NAV2: variants seen among roughly 807,000 people sequenced by gnomAD.
NAV2 encodes helicase, APC down-regulated 1.
In NAV2, 54 loss-of-function variants were observed where a neutral mutation model predicts 223.2. That is an observed-to-expected ratio of 0.24 (90% CI 0.19 to 0.30). The LOEUF (loss-of-function observed/expected upper bound fraction) is 0.30. NAV2 is among the 10% of genes least tolerant of loss of function. The pLI is 1.00. For missense variants in NAV2, 2,806 were observed against 3,147.5 expected (o/e 0.89, Z 2.60); for synonymous variants, 1,279 against 1,239.3 (o/e 1.03, Z -0.67).
At chr11:19,467,676 G>A (rs544438927) in intron 1 of NAV2, among the ~76,000 whole-genome samples, 3 of 152,182 alleles carry the variant, frequency 2.0e-5, no homozygotes, top group African/African-American at 7.2e-5. Context: ...GATCTGGGGC[G>A]AATCAGAATG....
intron 22 of NAV2, among the ~76,000 whole-genome samples, chr11:20,068,621 G>A (rs1017199125): frequency 3.9e-5 from 6 of 152,196 alleles, no homozygotes; most frequent in African/African-American, 1.2e-4. Flanking sequence ...TCTGTGTAAC[G>A]AGGGTGATAG....
chr11:20,080,310 G>T, intron 25 of NAV2, 101 bp downstream of exon 25: 1 of 1,136,432 alleles, frequency 8.8e-7, no homozygotes. Flanking sequence ...TACTATCTGT[G>T]GAACATAGCA....
intron 22 of NAV2, among the ~76,000 whole-genome samples, chr11:20,074,201 A>G (rs371535081): frequency 5.3e-5 from 8 of 152,198 alleles, no homozygotes; most frequent in East Asian, 3.8e-4. Flanking sequence ...CCCAGTAGTC[A>G]TTCAGGAGCA....
intron 34 of NAV2, chr11:20,104,875 G>A (rs2061910182): frequency 6.6e-6 from 1 of 152,222 alleles, no homozygotes; most frequent in East Asian, 1.9e-4. Flanking sequence ...ACCTCTGGTA[G>A]TTTCCCCAAA....
chr11:19,769,732 C>T (rs1482579319), intron 1 of NAV2, among the ~76,000 whole-genome samples: 2 of 151,744 alleles, frequency 1.3e-5, no homozygotes, highest in African/African-American at 4.9e-5. Context: ...GGAAAGGTTT[C>T]CCAAGCCTCC....
At chr11:19,868,579 T>C (rs540027648) in intron 3 of NAV2, among the ~76,000 whole-genome samples, 2 of 152,262 alleles carry the variant, frequency 1.3e-5, no homozygotes, top group Admixed American at 1.3e-4. Flanking sequence ...CAGCTGCTGG[T>C]AGATGGGTGT....
At chr11:19,811,103 G>A (rs1305296649) in intron 1 of NAV2, among the ~76,000 whole-genome samples, 6 of 152,298 alleles carry the variant, frequency 3.9e-5, no homozygotes, top group East Asian at 3.9e-4. Context: ...GTGATTTATC[G>A]AACTCTTCCT....
chr11:19,461,018 G>T (rs1304719634), intron 1 of NAV2, among the ~76,000 whole-genome samples: 4 of 152,166 alleles, frequency 2.6e-5, no homozygotes, highest in African/African-American at 7.2e-5. Flanking sequence ...TCCAGGAGGG[G>T]ACTATTAGCA....
chr11:19,833,476 T>A (rs1295598821), intron 2 of NAV2, among the ~76,000 whole-genome samples: 1 of 152,264 alleles, frequency 6.6e-6, no homozygotes, highest in Non-Finnish European at 1.5e-5. Flanking sequence ...GTTGGACTAC[T>A]GCTGCCATTC....
chr11:20,010,061 C>G (rs1182594084), intron 11 of NAV2, among the ~76,000 whole-genome samples: 1 of 152,130 alleles, frequency 6.6e-6, no homozygotes, highest in Non-Finnish European at 1.5e-5. Flanking sequence ...TCCTCATTAC[C>G]CAAGCCACAT....
At position 20,082,996 on chromosome 11, in the gene NAV2, T is replaced by C; in HGVS notation, c.5326-11T>C. On this transcript the variant is annotated splice_polypyrimidine_tract_variant and intron_variant, in intron 25 of 37. Coordinates refer to ENST00000349880, the MANE Select transcript of NAV2 (RefSeq NM_145117.5). ...GCCCCCGCTGTGAGACTGACAGTCTTGTATATTCAGTTACGCAGCTCCTTC... is the reference window on the plus strand; with the variant it reads ...GCCCCCGCTGTGAGACTGACAGTCTCGTATATTCAGTTACGCAGCTCCTTC... 1 of 1,609,612 alleles carries C rather than the reference T, an allele frequency of 6.2e-7. No individual in the cohort carries two copies. Among genetic ancestry groups the C allele is most frequent in the Non-Finnish European group, 8.5e-7 (1 of 1,177,696 alleles).
chr11:19,765,345 T>C (rs919801328), intron 1 of NAV2, among the ~76,000 whole-genome samples: 23 of 151,696 alleles, frequency 1.5e-4, no homozygotes, highest in Non-Finnish European at 2.5e-4. Context: ...TTCCTCCTCT[T>C]CCTCCTCATC....
At chr11:19,992,583 C>CTTTTTTTTTTTTTT (rs780559920) in intron 11 of NAV2, among the ~76,000 whole-genome samples, 2 of 103,582 alleles carry the variant, frequency 1.9e-5, no homozygotes, top group Non-Finnish European at 1.8e-5. Flanking sequence ...TCCTGAAGTA[C>CTTTTTTTTTTTTTT]TTTTTTTTTT....
At chr11:19,531,710 A>G (rs530311896) in intron 1 of NAV2, among the ~76,000 whole-genome samples, 1 of 152,336 alleles carries the variant, frequency 6.6e-6, no homozygotes, top group Non-Finnish European at 1.5e-5. Context: ...GACATGTTGA[A>G]AAGCCATTGT....
intron 14 of NAV2, among the ~76,000 whole-genome samples, chr11:20,047,062 T>A (rs2057514337): frequency 6.6e-6 from 1 of 152,370 alleles, no homozygotes. Context: ...AGAATTTCAG[T>A]AACGATTTTT....
rs541789458 is a variant in NAV2 at position 20,032,165 on chromosome 11, C to G, written c.2769-3794C>G. On this transcript the variant is annotated intron_variant, in intron 11 of 37. Transcript: ENST00000349880. Reference sequence around the variant, plus strand: ...GGCAGCTTTGGTTTCTGGCCACAGACAGCTCTGGCAAATATCGAGGCTGCC... The same window carrying G: ...GGCAGCTTTGGTTTCTGGCCACAGAGAGCTCTGGCAAATATCGAGGCTGCC... Among the ~76,000 whole-genome samples the G allele has an allele frequency of 1.8e-3, 281 of 152,322 alleles. 2 individuals are homozygous for G. Among genetic ancestry groups the G allele is most frequent in the African/African-American group, 6.5e-3 (270 of 41,568 alleles).
rs1158734384 is a variant in NAV2 at position 20,049,128 on chromosome 11, T to C, written c.4303T>C (p.Ser1435Pro). The C allele has an allele frequency of 6.2e-7, 1 of 1,613,770 alleles. No individual in the cohort carries two copies. The highest frequency in any genetic ancestry group is 1.3e-5 in the African/African-American group (1 of 74,864). Residue 1435 changes from serine (S) to proline (P), a missense_variant, in exon 15 of 38, where the codon TCC becomes CCC. Physicochemically the swap from Ser to Pro is moderately conservative, Grantham distance 74. This residue lies in a region of NAV2 where 742 missense variants were observed against 777.9 expected (regional missense o/e 0.95). Coordinates refer to ENST00000349880, the MANE Select transcript of NAV2 (RefSeq NM_145117.5). ...SHNSSTGLIA[S>P]SKDDSLTPFV... is the part of the protein sequence containing the mutation. ...CAATTCTTCCACTGGCCTCATCGCC[T>C]CCTCCAAGGACGACTCCTTGACTCC...
At chr11:19,644,094 A>ACACACC (rs2135583465) in intron 1 of NAV2, among the ~76,000 whole-genome samples, 1 of 152,168 alleles carries the variant, frequency 6.6e-6, no homozygotes, top group South Asian at 2.1e-4. Flanking sequence ...ACACACACAC[A>ACACACC]CAGCAGCCTT....
At chr11:20,072,650 C>A (rs144542383) in intron 22 of NAV2, among the ~76,000 whole-genome samples, 4,213 of 152,246 alleles carry the variant, frequency 0.028, 88 homozygotes, top group Middle Eastern at 0.078. Context: ...AGGTCCTTCA[C>A]GTCCCTTGTA....
Sources: gnomAD v4.1 joint callset for allele counts (sites outside exome capture counted in the v4.1 genomes callset) on GRCh38, gnomAD v4.1.1 for gene constraint, gnomAD v4.1.1 regional missense constraint, MANE v1.5 for transcripts, NCBI Gene and HGNC (gene_info 2026-07-23, HGNC 2026-07-21) for gene names.